The following FGF13 variants were observed in gnomAD, a reference collection of about 807,000 sequenced individuals.
FGF13 encodes fibroblast growth factor 13, also known as fibroblast growth factor homologous factor 2.
Under a neutral mutation model 19.5 loss-of-function variants are expected in FGF13, and 2 were observed. The ratio of observed to expected loss-of-function variants is 0.10; its 90% CI spans 0.04 to 0.32. The LOEUF is 0.32. FGF13 is among the 10% of genes least tolerant of loss of function. The pLI is 1.00. For missense variants in FGF13, 113 were observed against 192.7 expected (o/e 0.59, Z 2.45); for synonymous variants, 72 against 76.9 (o/e 0.94, Z 0.33).
chrX:139,114,137 C>T (rs2083622810), intron 1 of FGF13, among the ~76,000 whole-genome samples: 1 of 111,808 alleles, frequency 8.9e-6, no homozygotes, highest in South Asian at 3.8e-4. Context: ...AAAATTCAAG[C>T]TCATGAAAAA....
At position 138,627,627 on chromosome X, in the gene FGF13, G is replaced by GTGCA. The variant is rs1569348103; in HGVS notation, c.*5222_*5223insTGCA. Reference sequence around the variant, plus strand: ...TGTGTGTGTGTGTGTGTGTGTGTGTGCGCGTGTGTGTGTGTGTGTGTGTGA... The same window carrying GTGCA: ...TGTGTGTGTGTGTGTGTGTGTGTGTGTGCACGCGTGTGTGTGTGTGTGTGTGTGA... On this transcript the variant is annotated 3_prime_UTR_variant, in exon 5 of 5. Transcript: ENST00000315930. 1 of 74,584 alleles carries GTGCA rather than the reference G, an allele frequency of 1.3e-5. No homozygotes were observed. Among genetic ancestry groups the GTGCA allele is most frequent in the East Asian group, 4.3e-4 (1 of 2,325 alleles). 6.1% of individuals were successfully genotyped at this position (74,584 alleles called of 1,213,427 possible). A position where few individuals can be genotyped will look rare whatever the true frequency, so the allele number is the denominator to read the frequency against.
intron 1 of FGF13, among the ~76,000 whole-genome samples, chrX:139,199,695 C>A (rs183085685): frequency 1.1e-3 from 120 of 111,491 alleles, no homozygotes; most frequent in Admixed American, 2.2e-3. Flanking sequence ...CCTTCCTTCG[C>A]CCCACAGCTC....
chrX:139,204,077 C>T (rs1433430358), upstream of FGF13: 2 of 1,209,624 alleles, frequency 1.7e-6, no homozygotes, highest in East Asian at 3.0e-5. Flanking sequence ...GCATCTTTCT[C>T]CTCTTTGGGC....
At chrX:139,006,243 T>G (rs1225785966) in intron 1 of FGF13, among the ~76,000 whole-genome samples, 3 of 111,008 alleles carry the variant, frequency 2.7e-5, no homozygotes, top group Non-Finnish European at 1.9e-5. Context: ...GACTTTTCAG[T>G]GAAAAACATA....
intron 3 of FGF13, among the ~76,000 whole-genome samples, chrX:138,851,082 T>C (rs1440548457): frequency 2.7e-5 from 3 of 112,085 alleles, no homozygotes; most frequent in Non-Finnish European, 5.6e-5. Context: ...TTCCTTTTTA[T>C]GGCTGCATAG....
intron 1 of FGF13, among the ~76,000 whole-genome samples, chrX:138,900,073 T>A (rs2091524283): frequency 9.0e-6 from 1 of 111,484 alleles, no homozygotes; most frequent in Non-Finnish European, 1.9e-5. Flanking sequence ...CTAAAAATGA[T>A]GAGATGTCCT....
chrX:138,909,230 A>G (rs1381193178), intron 1 of FGF13, among the ~76,000 whole-genome samples: 1 of 112,036 alleles, frequency 8.9e-6, no homozygotes, highest in East Asian at 2.8e-4. Flanking sequence ...GATCAGCACT[A>G]CAAAAGCCTC....
chrX:139,104,198 G>C (rs17001986), intron 1 of FGF13, among the ~76,000 whole-genome samples: 14,731 of 110,505 alleles, frequency 0.13, 793 homozygotes, highest in South Asian at 0.21. Context: ...AAATACTTTT[G>C]AACAAACATG....
At chrX:138,764,878 T>C (rs1352910161) in intron 3 of FGF13, among the ~76,000 whole-genome samples, 1 of 112,201 alleles carries the variant, frequency 8.9e-6, no homozygotes, top group Non-Finnish European at 1.9e-5. Context: ...TCTTGGGGAT[T>C]TGAAAGGCAA....
At chrX:139,060,832 T>C (rs2092334133) in intron 1 of FGF13, among the ~76,000 whole-genome samples, 1 of 111,349 alleles carries the variant, frequency 9.0e-6, no homozygotes, top group Admixed American at 9.6e-5. Flanking sequence ...TTTCTGTTTT[T>C]TTTTCTATAT....
upstream of FGF13, among the ~76,000 whole-genome samples, chrX:138,713,055 G>C (rs1048045635): frequency 1.8e-5 from 2 of 112,375 alleles, no homozygotes; most frequent in African/African-American, 6.5e-5. Flanking sequence ...GCACCACTGT[G>C]TGTCTGCAAG....
chrX:138,686,432 C>T (rs2089783400), intron 3 of FGF13, among the ~76,000 whole-genome samples: 1 of 111,262 alleles, frequency 9.0e-6, no homozygotes, highest in African/African-American at 3.3e-5. Flanking sequence ...CACAATGTGC[C>T]CAATTTTCAT....
intron 1 of FGF13, among the ~76,000 whole-genome samples, chrX:138,723,375 C>T (rs1201304998): frequency 8.9e-6 from 1 of 111,907 alleles, no homozygotes; most frequent in Non-Finnish European, 1.9e-5. Flanking sequence ...GCAGTAATTT[C>T]TATCATCCTT....
At chrX:138,780,692 T>G (rs1479922222) in intron 3 of FGF13, among the ~76,000 whole-genome samples, 1 of 106,012 alleles carries the variant, frequency 9.4e-6, no homozygotes, top group African/African-American at 3.5e-5. Context: ...ACAAAGAGAC[T>G]TAGACTCCCA....
rs1196888405 is a variant in FGF13 at position 138,631,047 on chromosome X, C to T, written c.*1803G>A. 1 of 111,638 alleles carries T rather than the reference C, an allele frequency of 9.0e-6. No homozygotes were observed. Among genetic ancestry groups the T allele is most frequent in the Non-Finnish European group, 1.9e-5 (1 of 53,108 alleles). 9.2% of individuals were successfully genotyped at this position (111,638 alleles called of 1,213,427 possible). A position where few individuals can be genotyped will look rare whatever the true frequency, so the allele number is the denominator to read the frequency against. On this transcript the variant is annotated 3_prime_UTR_variant, in exon 5 of 5. Coordinates refer to ENST00000315930, the MANE Select transcript of FGF13 (RefSeq NM_004114.5). The stretch of plus-strand genomic sequence containing the variant: ...GTAAAGTATGAGTTCTACTAAATGC[C>T]TATTGCTTCTGTACCACTGTAAAGC...
At position 138,661,741 on chromosome X, in the gene FGF13, C is replaced by T. The variant is rs1164233447; in HGVS notation, c.403-26086G>A. ...TAGGAATAGTTGAAGATCAGTATTT[C>T]CTTGTTCATTTTTACAGGCAGTTTG... is the stretch of plus-strand genomic sequence containing the variant. On this transcript the variant is annotated intron_variant, in intron 3 of 4. Coordinates refer to ENST00000315930, the MANE Select transcript of FGF13 (RefSeq NM_004114.5). Among the ~76,000 whole-genome samples, 4 of 111,654 alleles carry T rather than the reference C, an allele frequency of 3.6e-5. No homozygotes were observed. In the East Asian group the frequency reaches 1.1e-3, roughly 32 times the overall value.
At chrX:138,954,095 C>CAAGAGA (rs374374818) in intron 1 of FGF13, among the ~76,000 whole-genome samples, 2 of 94,182 alleles carry the variant, frequency 2.1e-5, no homozygotes, top group East Asian at 3.5e-4. Flanking sequence ...GTAAATTTAA[C>CAAGAGA]GAGAGAGAGA....
chrX:138,935,753 G>A (rs2091728385), intron 1 of FGF13, among the ~76,000 whole-genome samples: 2 of 111,609 alleles, frequency 1.8e-5, no homozygotes, highest in South Asian at 7.6e-4. Flanking sequence ...AGTCCCTCAT[G>A]CTATACTTTT....
At chrX:139,194,380 G>A (rs2084355605) in intron 1 of FGF13, among the ~76,000 whole-genome samples, 1 of 111,469 alleles carries the variant, frequency 9.0e-6, no homozygotes, top group Admixed American at 9.5e-5. Context: ...AATTGTCTCC[G>A]GTAAACATGC....
Sources: gnomAD v4.1 joint callset for allele counts (sites outside exome capture counted in the v4.1 genomes callset) on GRCh38, gnomAD v4.1.1 for gene constraint, MANE v1.5 for transcripts, NCBI Gene and HGNC (gene_info 2026-07-23, HGNC 2026-07-21) for gene names.